The following CLTC variants were observed in gnomAD, a reference collection of about 807,000 sequenced individuals.
CLTC encodes the protein clathrin heavy chain.
Under a neutral mutation model 195.8 loss-of-function variants are expected in CLTC, and 16 were observed. The observed-to-expected ratio is 0.08, with a 90% CI of 0.06 to 0.12. The LOEUF (loss-of-function observed/expected upper bound fraction) is 0.12, where lower values mean the gene tolerates loss of function less well. Ranked by LOEUF, CLTC falls within the 10% of genes least tolerant of loss-of-function variation. CLTC has a pLI of 1.00. For missense variants in CLTC, 796 were observed against 2,027.0 expected (o/e 0.39, Z 11.66); for synonymous variants, 667 against 689.4 (o/e 0.97, Z 0.51).
In CLTC at chr17:59,619,964, C is replaced by T. The variant is rs1273004522; in HGVS notation, c.-168C>T. 2.3e-5 allele frequency: 14 copies of T among 618,144 alleles called. No homozygotes were observed. Among genetic ancestry groups the T allele is most frequent in the Non-Finnish European group, 3.4e-5 (12 of 349,450 alleles). The allele number at this position is 618,144 out of a possible 1,614,324, so 38.3% of individuals were successfully genotyped here. On this transcript the variant is annotated 5_prime_UTR_variant, in exon 1 of 32. Transcript: ENST00000269122. ...CTCTCCTGGCCCCTGGAGCCTCCGC[C>T]CCCGACCCGAGCTCTTTCGTCTGCC... is the stretch of plus-strand genomic sequence containing the variant.
intron 5 of CLTC, among the ~76,000 whole-genome samples, chr17:59,653,981 C>T (rs1025739354): frequency 1.3e-5 from 2 of 151,660 alleles, no homozygotes; most frequent in African/African-American, 4.8e-5. Flanking sequence ...CCATGTTGGT[C>T]AGGCTGGTCT....
At chr17:59,622,247 G>T (rs1288156712) in intron 1 of CLTC, among the ~76,000 whole-genome samples, 1 of 152,166 alleles carries the variant, frequency 6.6e-6, no homozygotes, top group Non-Finnish European at 1.5e-5. Flanking sequence ...GGATTGCTAT[G>T]TCATGCCTAA....
intron 1 of CLTC, among the ~76,000 whole-genome samples, chr17:59,642,680 G>GCT (rs1173918594): frequency 3.9e-5 from 6 of 152,166 alleles, no homozygotes; most frequent in African/African-American, 1.4e-4. Flanking sequence ...ATACTTTAAA[G>GCT]CTAGTGTATT....
intron 6 of CLTC, chr17:59,656,334 A>G (rs2032463811): frequency 5.6e-6 from 1 of 178,484 alleles, no homozygotes; most frequent in African/African-American, 2.4e-5. Flanking sequence ...GTATAGATGC[A>G]TTACTGTCAA....
At chr17:59,668,099 C>T (rs2032770879) in intron 13 of CLTC, among the ~76,000 whole-genome samples, 1 of 152,042 alleles carries the variant, frequency 6.6e-6, no homozygotes, top group Non-Finnish European at 1.5e-5. Flanking sequence ...TGCTTAATAG[C>T]CACATGTGTT....
Position 59,696,615 on chromosome 17 carries a change from A to AT in CLTC, c.*2764dup, listed in dbSNP as rs1491099280. On this transcript the variant is annotated 3_prime_UTR_variant, in exon 32 of 32. Transcript: ENST00000269122. The stretch of plus-strand genomic sequence containing the variant: ...TCATATTCTGGGTAACTGGTATAAC[A>AT]TAGTAATTATTAGGATTGTATCAAG... 1 of 212,716 alleles carries AT rather than the reference A, an allele frequency of 4.7e-6. No homozygotes were observed. Among genetic ancestry groups the AT allele is most frequent in the Non-Finnish European group, 9.5e-6 (1 of 105,332 alleles). The allele number at this position is 212,716 out of a possible 1,614,324, so 13.2% of individuals were successfully genotyped here.
At chr17:59,679,312 T>C in intron 17 of CLTC, 85 bp from the exon 18 acceptor site, 2 of 1,133,492 alleles carry the variant, frequency 1.8e-6, no homozygotes, top group Non-Finnish European at 2.5e-6. Flanking sequence ...ATAAACATAG[T>C]TTAAAAGATA....
intron 28 of CLTC, chr17:59,684,236 T>C (rs1391844359): frequency 5.5e-6 from 2 of 363,210 alleles, no homozygotes; most frequent in East Asian, 9.5e-5. Context: ...AACATCTAGA[T>C]TGTAGGTAGA....
At chr17:59,644,927 G>T (rs1177782836) in intron 2 of CLTC, among the ~76,000 whole-genome samples, 1 of 152,182 alleles carries the variant, frequency 6.6e-6, no homozygotes, top group Non-Finnish European at 1.5e-5. Flanking sequence ...TTTGGTTAAA[G>T]AAAATAGATC....
At chr17:59,624,022 C>T (rs1221623485) in intron 1 of CLTC, among the ~76,000 whole-genome samples, 1 of 152,196 alleles carries the variant, frequency 6.6e-6, no homozygotes, top group African/African-American at 2.4e-5. Context: ...TTAAAACACT[C>T]ATTGTTCAAA....
At chr17:59,686,333 A>G (rs2033183366) in intron 30 of CLTC, among the ~76,000 whole-genome samples, 1 of 119,688 alleles carries the variant, frequency 8.4e-6, no homozygotes, top group Admixed American at 8.9e-5. Flanking sequence ...TAATTGCCTT[A>G]TAACATTCAC....
Position 59,620,106 on chromosome 17 carries a change from A to C in CLTC, c.-26A>C. On this transcript the variant is annotated 5_prime_UTR_variant, in exon 1 of 32. Coordinates refer to ENST00000269122, the MANE Select transcript of CLTC (RefSeq NM_004859.4). Reference sequence around the variant, plus strand: ...ACTGCCCCGCAGCCCCAGTGACAGGAGGAGACCATAACCCCCGACAGCGCC... The same window carrying C: ...ACTGCCCCGCAGCCCCAGTGACAGGCGGAGACCATAACCCCCGACAGCGCC... 1 of 1,613,670 alleles carries C rather than the reference A, an allele frequency of 6.2e-7. No individual in the cohort carries two copies. Among genetic ancestry groups the C allele is most frequent in the Non-Finnish European group, 8.5e-7 (1 of 1,179,732 alleles).
At chr17:59,677,262 T>G in intron 17 of CLTC, 74 bp downstream of exon 17, 1 of 1,168,680 alleles carries the variant, frequency 8.6e-7, no homozygotes, top group Non-Finnish European at 1.3e-6. Context: ...TCAGGGTAAT[T>G]TTAGGTAATA....
Position 59,682,181 on chromosome 17 carries a change from A to G in CLTC, c.3443-90A>G. The G allele has an allele frequency of 1.6e-6, 2 of 1,244,676 alleles. No homozygotes were observed. The highest frequency in any genetic ancestry group is 2.4e-5 in the East Asian group (1 of 42,334). 77.1% of individuals were successfully genotyped at this position (1,244,676 alleles called of 1,614,324 possible). On this transcript the variant is annotated intron_variant, in intron 21 of 31. Coordinates refer to ENST00000269122, the MANE Select transcript of CLTC (RefSeq NM_004859.4). The surrounding 1 kb of genome is among the most constrained non-coding windows in gnomAD (Gnocchi z 6.8). ...TTTGTCATTATCCATGTTTCCTTGA[A>G]AAGGAAATGAATGCAATTTTCATTT...
chr17:59,659,837 T>G (rs1334674127), intron 6 of CLTC, among the ~76,000 whole-genome samples: 1 of 152,062 alleles, frequency 6.6e-6, no homozygotes, highest in Admixed American at 6.6e-5. Context: ...TATAATCTGC[T>G]CTCTAGGAAT....
Position 59,693,805 on chromosome 17 carries a change from G to A in CLTC, c.4981G>A (p.Ala1661Thr), listed in dbSNP as rs1271278136. The change falls in exon 32 of 32, where the codon GCA becomes ACA. Residue 1661 changes from alanine (A) to threonine (T), a missense_variant. Transcript: ENST00000269122. ...GGCACCTTTTGGTTATGGTTATACC[G>A]CACCACCGTATGGACAGCCACAGCC... ...PQAPFGYGYT[A>T]PPYGQPQPGF... 7.4e-6 allele frequency: 12 copies of A among 1,613,304 alleles called. No individual in the cohort carries two copies. Among genetic ancestry groups the A allele is most frequent in the Non-Finnish European group, 1.0e-5 (12 of 1,179,626 alleles).
intron 31 of CLTC, among the ~76,000 whole-genome samples, chr17:59,693,218 T>G (rs1393064328): frequency 6.6e-6 from 1 of 151,876 alleles, no homozygotes; most frequent in African/African-American, 2.4e-5. Flanking sequence ...AATACAAAAA[T>G]TAGCTGGACA....
At chr17:59,673,862 A>G (rs1019387800) in intron 15 of CLTC, 90 bp downstream of exon 15, 4 of 744,564 alleles carry the variant, frequency 5.4e-6, no homozygotes, top group African/African-American at 3.6e-5. Flanking sequence ...TCTGTGCTCA[A>G]TAAGAGTGGT....
chr17:59,680,876 G>A, intron 18 of CLTC, 36 bp from the exon 19 acceptor site: 1 of 1,502,800 alleles, frequency 6.7e-7, no homozygotes, highest in East Asian at 2.4e-5. Context: ...AAACCAACTT[G>A]ATTCTCAGTA....
Sources: gnomAD v4.1 joint callset for allele counts (sites outside exome capture counted in the v4.1 genomes callset) on GRCh38, gnomAD v4.1.1 for gene constraint, Gnocchi (gnomAD v3.1) non-coding constraint, MANE v1.5 for transcripts, NCBI Gene and HGNC (gene_info 2026-07-23, HGNC 2026-07-21) for gene names.